PTPA: variants seen among roughly 807,000 people sequenced by gnomAD.
PTPA encodes serine/threonine-protein phosphatase 2A activator.
A neutral mutation model predicts 43.6 loss-of-function variants in PTPA; 13 were observed. The ratio of observed to expected loss-of-function variants is 0.30; its 90% CI spans 0.19 to 0.47. The LOEUF is 0.47. Among genes scored for constraint, PTPA ranks in the 20% least tolerant of loss-of-function variants. The pLI is 0.99. For missense variants in PTPA, 329 were observed against 411.9 expected (o/e 0.80, Z 1.74); for synonymous variants, 172 against 158.2 (o/e 1.09, Z -0.66).
chr9:129,135,133 G>A (rs1024650689), intron 6 of PTPA, among the ~76,000 whole-genome samples: 3 of 152,184 alleles, frequency 2.0e-5, no homozygotes, highest in South Asian at 4.1e-4. Flanking sequence ...GGTGGCTCAC[G>A]CCTGTAATCC....
chr9:129,142,577 C>G, intron 9 of PTPA, 25 bp downstream of exon 9: 8 of 1,613,682 alleles, frequency 5.0e-6, no homozygotes, highest in Non-Finnish European at 6.8e-6. Context: ...GCCAGTGTGC[C>G]CGTCCCTGCT....
intron 1 of PTPA, among the ~76,000 whole-genome samples, chr9:129,118,379 A>C (rs1020456305): frequency 1.3e-5 from 2 of 149,462 alleles, no homozygotes; most frequent in African/African-American, 2.5e-5. Flanking sequence ...ATTAATAAAA[A>C]ATTTTTTTAT....
intron 8 of PTPA, 200 bp downstream of exon 8, chr9:129,137,892 TCTC>T (rs975655568): frequency 9.8e-6 from 6 of 611,992 alleles, no homozygotes; most frequent in Middle Eastern, 4.0e-4. Flanking sequence ...TCCGCCCAGT[TCTC>T]CTTCAGTTTC....
chr9:129,124,849 T>G (rs1205445677), intron 3 of PTPA, among the ~76,000 whole-genome samples: 1 of 152,220 alleles, frequency 6.6e-6, no homozygotes, highest in African/African-American at 2.4e-5. Flanking sequence ...GCCCCAAGAT[T>G]AACACTGTGT....
At chr9:129,143,405 G>A (rs1851044238) in intron 9 of PTPA, 1 of 703,022 alleles carries the variant, frequency 1.4e-6, no homozygotes, top group Non-Finnish European at 2.6e-6. Context: ...CATGGCCTCA[G>A]ACACTGTACT....
At chr9:129,128,617 A>AT (rs1304077556) in intron 3 of PTPA, among the ~76,000 whole-genome samples, 2 of 151,284 alleles carry the variant, frequency 1.3e-5, no homozygotes, top group Non-Finnish European at 1.5e-5. Flanking sequence ...TTATATTTCT[A>AT]TTTTTTATGA....
intron 6 of PTPA, among the ~76,000 whole-genome samples, chr9:129,135,167 G>C (rs1033850454): frequency 6.6e-6 from 1 of 152,218 alleles, no homozygotes; most frequent in African/African-American, 2.4e-5. Context: ...GGCCCAGGCA[G>C]GCGGATCACG....
chr9:129,131,163 C>T (rs1849938543), intron 4 of PTPA, among the ~76,000 whole-genome samples: 1 of 152,170 alleles, frequency 6.6e-6, no homozygotes, highest in Non-Finnish European at 1.5e-5. Context: ...CTCTTGCTGA[C>T]CTGAGAGTGT....
chr9:129,123,935 G>A (rs892313909), intron 3 of PTPA, among the ~76,000 whole-genome samples: 4 of 152,064 alleles, frequency 2.6e-5, no homozygotes, highest in South Asian at 2.1e-4. Flanking sequence ...TGCCTGCCTC[G>A]GCCTCCCAAA....
upstream of PTPA, chr9:129,111,048 T>C (rs1168855988): frequency 2.9e-6 from 4 of 1,368,886 alleles, no homozygotes; most frequent in Non-Finnish European, 3.9e-6. Context: ...GGTGTGCACC[T>C]TTCCAACTCC....
chr9:129,129,520 A>G (rs1237969461), intron 4 of PTPA, among the ~76,000 whole-genome samples: 1 of 150,266 alleles, frequency 6.7e-6, no homozygotes, highest in Non-Finnish European at 1.5e-5. Context: ...CCCAGGCTGG[A>G]GTGCAGTGGC....
At chr9:129,118,535 G>GA (rs1250026907) in intron 1 of PTPA, among the ~76,000 whole-genome samples, 1 of 151,924 alleles carries the variant, frequency 6.6e-6, no homozygotes, top group Non-Finnish European at 1.5e-5. Context: ...CACCACACCT[G>GA]AATAATTTTA....
intron 3 of PTPA, among the ~76,000 whole-genome samples, chr9:129,125,037 T>TA (rs910968513): frequency 4.6e-5 from 7 of 152,132 alleles, no homozygotes; most frequent in Non-Finnish European, 1.0e-4. Flanking sequence ...TTGGGCTCAC[T>TA]CAGTCCTTTG....
At chr9:129,134,326 A>ATTT (rs1850209709) in intron 5 of PTPA, among the ~76,000 whole-genome samples, 2 of 30,382 alleles carry the variant, frequency 6.6e-5, no homozygotes, top group Admixed American at 4.5e-4. Context: ...TTTTTTTTTG[A>ATTT]GACAGTCTCA....
intron 3 of PTPA, among the ~76,000 whole-genome samples, chr9:129,123,445 C>G (rs1453214619): frequency 1.3e-5 from 2 of 150,694 alleles, no homozygotes; most frequent in Middle Eastern, 3.2e-3. Flanking sequence ...GCACTCCAGC[C>G]TGGGCGACAG....
intron 9 of PTPA, among the ~76,000 whole-genome samples, chr9:129,146,767 G>C (rs542098791): frequency 5.9e-5 from 9 of 152,322 alleles, no homozygotes; most frequent in Non-Finnish European, 1.2e-4. Flanking sequence ...TCTGCTAGGA[G>C]CCCGGGCTGG....
chr9:129,120,056 G>C (rs1238489066), intron 1 of PTPA, among the ~76,000 whole-genome samples: 1 of 152,124 alleles, frequency 6.6e-6, no homozygotes, highest in Non-Finnish European at 1.5e-5. Flanking sequence ...TCAGGAGTTT[G>C]CGATCAGCCT....
chr9:129,120,172 C>T (rs1239862117), intron 1 of PTPA, among the ~76,000 whole-genome samples: 1 of 152,050 alleles, frequency 6.6e-6, no homozygotes, highest in Non-Finnish European at 1.5e-5. Context: ...GCAGGAGAAT[C>T]GCTTGAACCC....
chr9:129,125,223 CG>C (rs1340956272), intron 3 of PTPA, among the ~76,000 whole-genome samples: 1 of 151,544 alleles, frequency 6.6e-6, no homozygotes, highest in African/African-American at 2.4e-5. Flanking sequence ...CCTAATTGCC[CG>C]TGGCTTTGAT....
Sources: gnomAD v4.1 joint callset for allele counts (sites outside exome capture counted in the v4.1 genomes callset) on GRCh38, gnomAD v4.1.1 for gene constraint, MANE v1.5 for transcripts, NCBI Gene and HGNC (gene_info 2026-07-23, HGNC 2026-07-21) for gene names.